The following SH3PXD2A variants were observed in gnomAD, a reference collection of about 807,000 sequenced individuals.
SH3PXD2A encodes SH3 and PX domains 2A.
A neutral mutation model predicts 115.2 loss-of-function variants in SH3PXD2A; 32 were observed. That is an observed-to-expected ratio of 0.28 (90% CI 0.21 to 0.37). SH3PXD2A has a LOEUF of 0.37. Ranked by LOEUF, SH3PXD2A falls within the 10% of genes least tolerant of loss-of-function variation. SH3PXD2A has a pLI of 1.00. For synonymous variants in SH3PXD2A, 610 were observed against 629.1 expected (o/e 0.97, Z 0.45); for missense variants, 1,328 against 1,498.7 (o/e 0.89, Z 1.88).
At chr10:103,611,973 T>G (rs1042471736) in intron 12 of SH3PXD2A, among the ~76,000 whole-genome samples, 29 of 152,376 alleles carry the variant, frequency 1.9e-4, no homozygotes, top group Non-Finnish European at 3.4e-4. Context: ...GTCTGTTTTT[T>G]GCTTACTATT....
chr10:103,729,606 G>A (rs2863998), intron 4 of SH3PXD2A, among the ~76,000 whole-genome samples: 43,897 of 151,922 alleles, frequency 0.29, 7,107 homozygotes, highest in African/African-American at 0.43. Context: ...CTGGAACTAT[G>A]CAGGTCCCTG....
At chr10:103,810,950 G>A (rs796857148) in intron 1 of SH3PXD2A, among the ~76,000 whole-genome samples, 116 of 4,816 alleles carry the variant, frequency 0.024, no homozygotes, top group African/African-American at 0.057. Flanking sequence ...AGGCGCGCGC[G>A]CGCACACACA....
intron 5 of SH3PXD2A, among the ~76,000 whole-genome samples, chr10:103,717,454 G>A (rs7085419): frequency 0.34 from 52,136 of 152,002 alleles, 9,423 homozygotes; most frequent in South Asian, 0.46. Flanking sequence ...AGCGAGTGGG[G>A]AGGAGAGGAG....
At chr10:103,725,838 TAAATAAATAAAATAAAAATAA>T (rs1564873917) in intron 4 of SH3PXD2A, among the ~76,000 whole-genome samples, 4 of 151,036 alleles carry the variant, frequency 2.6e-5, no homozygotes, top group Non-Finnish European at 5.9e-5. Context: ...CAAAAAAATA[TAAATAAATAAAATAAAAATAA>T]AAATAAATAA....
At chr10:103,782,382 C>T (rs2038938765) in intron 2 of SH3PXD2A, among the ~76,000 whole-genome samples, 1 of 152,188 alleles carries the variant, frequency 6.6e-6, no homozygotes, top group Non-Finnish European at 1.5e-5. Context: ...TAATCCTTAA[C>T]AAGCAGATCC....
At chr10:103,739,161 G>T (rs2038415309) in intron 3 of SH3PXD2A, among the ~76,000 whole-genome samples, 1 of 152,170 alleles carries the variant, frequency 6.6e-6, no homozygotes, top group African/African-American at 2.4e-5. Context: ...GGAGGTAGAT[G>T]AGAGGGTGCT....
chr10:103,597,904 T>A lies in SH3PXD2A; in HGVS notation c.*3912A>T, dbSNP rs1490561637. On this transcript the variant is annotated 3_prime_UTR_variant, in exon 15 of 15. Coordinates refer to ENST00000369774, the MANE Select transcript of SH3PXD2A (RefSeq NM_001394015.1). ...GGGTTATTTTATCTTTTTCCCCTTA[T>A]TAAAAACAAGAACTACCAAACCAAG... The A allele has an allele frequency of 1.3e-5, 2 of 152,460 alleles. No homozygotes were observed. Among genetic ancestry groups the A allele is most frequent in the African/African-American group, 4.8e-5 (2 of 41,438 alleles). The allele number at this position is 152,460 out of a possible 1,614,324, so 9.4% of individuals were successfully genotyped here.
At chr10:103,676,535 G>T in intron 6 of SH3PXD2A, among the ~76,000 whole-genome samples, 1 of 152,168 alleles carries the variant, frequency 6.6e-6, no homozygotes, top group East Asian at 1.9e-4. Context: ...CCTAGAAGGG[G>T]CTGCCCTGGC....
chr10:103,659,768 C>T (rs933160153), intron 8 of SH3PXD2A, among the ~76,000 whole-genome samples: 1 of 152,168 alleles, frequency 6.6e-6, no homozygotes, highest in African/African-American at 2.4e-5. Context: ...AGGAGGGCCA[C>T]AAGTCAGACC....
intron 2 of SH3PXD2A, among the ~76,000 whole-genome samples, chr10:103,777,076 A>T (rs1054956264): frequency 6.6e-6 from 1 of 152,274 alleles, no homozygotes; most frequent in Admixed American, 6.5e-5. Context: ...ATAGCTAGGC[A>T]GCTCTGCATT....
intron 3 of SH3PXD2A, among the ~76,000 whole-genome samples, chr10:103,745,813 G>A (rs974617837): frequency 2.6e-5 from 4 of 152,172 alleles, no homozygotes; most frequent in Admixed American, 2.0e-4. Flanking sequence ...TCCGTTTCTC[G>A]GAGGCCCAAC....
chr10:103,668,635 C>T lies in SH3PXD2A; in HGVS notation c.445G>A (p.Ala149Thr). 6.4e-7 allele frequency: 1 copy of T among 1,559,076 alleles called. No individual in the cohort carries two copies. The highest frequency in any genetic ancestry group is 8.7e-7 in the Non-Finnish European group (1 of 1,151,282). The change falls in exon 7 of 15, where the codon GCT becomes ACT. Residue 149 changes from alanine to threonine, a missense_variant. Around this residue, in one of 5 missense-constraint regions of SH3PXD2A, gnomAD observed 90 missense variants for 71.1 expected, o/e 1.27. Transcript: ENST00000369774. ...KRKSVWLSSW[A>T]ESPKKDVTGA... is the part of the protein sequence containing the mutation. ...GTCACGTCCTTCTTGGGCGACTCAG[C>T]CCAGCTGGACAGCCACACTTCCGAG...
At chr10:103,724,794 A>G (rs1346532619) in intron 4 of SH3PXD2A, among the ~76,000 whole-genome samples, 1 of 152,136 alleles carries the variant, frequency 6.6e-6, no homozygotes, top group African/African-American at 2.4e-5. Context: ...CTTAAACAAA[A>G]AAAAAAAGAC....
intron 2 of SH3PXD2A, among the ~76,000 whole-genome samples, chr10:103,795,333 G>C (rs2039075642): frequency 6.6e-6 from 1 of 152,218 alleles, no homozygotes. Context: ...GGCAGCCCCT[G>C]CGTGTGAGTC....
At chr10:103,745,657 T>C (rs1297109229) in intron 3 of SH3PXD2A, among the ~76,000 whole-genome samples, 1 of 152,200 alleles carries the variant, frequency 6.6e-6, no homozygotes, top group Non-Finnish European at 1.5e-5. Flanking sequence ...GCTGGCCACG[T>C]GGAATCCAAG....
intron 8 of SH3PXD2A, among the ~76,000 whole-genome samples, chr10:103,636,156 C>T (rs1465497263): frequency 3.3e-5 from 5 of 152,084 alleles, no homozygotes; most frequent in Non-Finnish European, 5.9e-5. Flanking sequence ...GGCCTGTAAT[C>T]CCAGCACTTT....
Position 103,622,495 on chromosome 10 carries a change from C to A in SH3PXD2A, c.777G>T (p.Gly259=). The A allele has an allele frequency of 1.9e-6, 3 of 1,550,232 alleles. No homozygotes were observed. Among genetic ancestry groups the A allele is most frequent in the Non-Finnish European group, 2.6e-6 (3 of 1,146,812 alleles). ...RRLDRRWTLG[G]MVNRQHSREE... ...CTCGGCTGTGCTGCCTGTTGACCATCCCGCCCAGGGTCCACCGGCGATCCA... is the reference window on the plus strand; with the variant it reads ...CTCGGCTGTGCTGCCTGTTGACCATACCGCCCAGGGTCCACCGGCGATCCA... Residue 259 remains glycine (G), a synonymous_variant, in exon 10 of 15, where the codon GGG becomes GGT. Coordinates refer to ENST00000369774, the MANE Select transcript of SH3PXD2A (RefSeq NM_001394015.1).
chr10:103,831,811 T>C (rs1325144833), intron 1 of SH3PXD2A, among the ~76,000 whole-genome samples: 2 of 152,162 alleles, frequency 1.3e-5, no homozygotes, highest in African/African-American at 2.4e-5. Context: ...GTAGTTATTC[T>C]CCATTCCTCA....
chr10:103,811,410 CTTTG>C (rs2039269599), intron 1 of SH3PXD2A, among the ~76,000 whole-genome samples: 1 of 152,194 alleles, frequency 6.6e-6, no homozygotes, highest in South Asian at 2.1e-4. Context: ...TTGCTAAGCA[CTTTG>C]TTTGAATTAT....
Sources: allele counts gnomAD v4.1 joint callset (sites outside exome capture counted in the v4.1 genomes callset), GRCh38; gene constraint gnomAD v4.1.1; regional missense constraint gnomAD v4.1.1; transcripts MANE v1.5; gene names NCBI Gene and HGNC (gene_info 2026-07-23, HGNC 2026-07-21).